Variants in ZDHHC21 observed in about 807,000 individuals in gnomAD.
The protein encoded by ZDHHC21 is palmitoyltransferase ZDHHC21.
In ZDHHC21, 15 loss-of-function variants were observed where a neutral mutation model predicts 34.6. The ratio of observed to expected loss-of-function variants is 0.43; its 90% confidence interval spans 0.29 to 0.67. ZDHHC21 has a LOEUF of 0.67. Ranked by LOEUF, ZDHHC21 falls within the 30% of genes least tolerant of loss-of-function variation. The probability of loss-of-function intolerance (pLI) is 0.14; values close to 1 mark genes in which losing one functional copy is unlikely to be tolerated. For synonymous variants in ZDHHC21, 142 were observed against 101.8 expected, an observed-to-expected ratio of 1.40 and a Z score of -2.38; for missense variants, 344 against 327.7, an observed-to-expected ratio of 1.05 and a Z score of -0.38.
Position 14,633,005 on chromosome 9 carries a change from C to T in ZDHHC21, c.621+6891G>A, listed in dbSNP as rs981924664. Among the ~76,000 whole-genome samples, 6 of 152,136 alleles carry T rather than the reference C, an allele frequency of 3.9e-5. No individual in the cohort carries two copies. The South Asian group carries it at 8.3e-4, about 21-fold the overall frequency. ...TGCAGCAACTTTAGAAAAACAGTGGCAGTTCTTTAAAAGATAAATGTAGTT... is the reference window on the plus strand; with the variant it reads ...TGCAGCAACTTTAGAAAAACAGTGGTAGTTCTTTAAAAGATAAATGTAGTT... On this transcript the variant is annotated intron_variant, in intron 8 of 9. Transcript: ENST00000380916.
At chr9:14,680,596 TA>T (rs1272453103) in intron 2 of ZDHHC21, among the ~76,000 whole-genome samples, 1 of 138,902 alleles carries the variant, frequency 7.2e-6, no homozygotes, top group African/African-American at 2.6e-5. Context: ...ATGAAGCCAT[TA>T]AGAGAGTCAA....
At chr9:14,627,164 T>G (rs1303097352) in intron 8 of ZDHHC21, among the ~76,000 whole-genome samples, 1 of 152,172 alleles carries the variant, frequency 6.6e-6, no homozygotes, top group Non-Finnish European at 1.5e-5. Flanking sequence ...ACTACACTTC[T>G]GTGTATAGAT....
At chr9:14,610,989 G>T (rs567326564), downstream of ZDHHC21, 1 of 151,920 alleles carries the variant, frequency 6.6e-6, no homozygotes, top group Non-Finnish European at 1.5e-5. Flanking sequence ...TTTTAAAAGT[G>T]ACCTATTACA....
intron 8 of ZDHHC21, among the ~76,000 whole-genome samples, chr9:14,631,586 G>C (rs915968461): frequency 1.3e-5 from 2 of 152,150 alleles, no homozygotes; most frequent in African/African-American, 4.8e-5. Flanking sequence ...TTTTCGGCCT[G>C]TCTCAGCTTT....
intron 6 of ZDHHC21, among the ~76,000 whole-genome samples, chr9:14,660,483 G>A (rs1384706896): frequency 6.6e-6 from 1 of 151,590 alleles, no homozygotes; most frequent in Non-Finnish European, 1.5e-5. Context: ...GTTAAGTAGT[G>A]CAATTTCTGA....
rs78396091 is a variant in ZDHHC21, at chr9:14,622,722, C to T, written c.622-3040G>A. ...AATCGCACATAAAGGAATAAACAATCTGTTATATGACTATCTCTTTTGAGT... is the reference window on the plus strand; with the variant it reads ...AATCGCACATAAAGGAATAAACAATTTGTTATATGACTATCTCTTTTGAGT... On this transcript the variant is annotated intron_variant, in intron 8 of 9. Coordinates refer to ENST00000380916, the MANE Select transcript of ZDHHC21 (RefSeq NM_178566.6). 9 of 985,102 alleles carry T rather than the reference C, an allele frequency of 9.1e-6. No individual in the cohort carries two copies. The East Asian group carries it at 1.0e-3, about 112-fold the overall frequency. 61.0% of individuals were successfully genotyped at this position (985,102 alleles called of 1,614,324 possible).
the ZDHHC21 span, among the ~76,000 whole-genome samples, chr9:14,590,429 T>C: frequency 6.6e-6 from 1 of 151,938 alleles, no homozygotes; most frequent in East Asian, 1.9e-4. Context: ...AAGTAGATAA[T>C]CACAATGAAA....
intron 8 of ZDHHC21, among the ~76,000 whole-genome samples, chr9:14,630,993 T>C (rs10961625): frequency 0.39 from 59,498 of 152,078 alleles, 12,043 homozygotes; most frequent in Non-Finnish European, 0.45. Flanking sequence ...AAATGAGCAC[T>C]GGCTTCAACT....
chr9:14,660,372 C>CAAAAA lies in ZDHHC21; in HGVS notation c.366-1490_366-1486dup, dbSNP rs374162221. 3.9e-3 allele frequency among the ~76,000 whole-genome samples: 228 copies of CAAAAA among 58,422 alleles called. 8 individuals are homozygous for CAAAAA. Among genetic ancestry groups the CAAAAA allele is most frequent in the Middle Eastern group, 0.02 (1 of 50 alleles). 38.3% of individuals were successfully genotyped at this position (58,422 alleles called of 152,430 possible). A position where few individuals can be genotyped will look rare whatever the true frequency, so the allele number is the denominator to read the frequency against. ...TGGGCAACAGAGTAAGACTCCATCTCAAAAAAAAAAAAAAAAAAAAAAGAA... is the reference window on the plus strand; with the variant it reads ...TGGGCAACAGAGTAAGACTCCATCTCAAAAAAAAAAAAAAAAAAAAAAAAAAAGAA... On this transcript the variant is annotated intron_variant, in intron 6 of 9. Coordinates refer to ENST00000380916, the MANE Select transcript of ZDHHC21 (RefSeq NM_178566.6).
chr9:14,665,506 AG>A (rs1834259176), intron 5 of ZDHHC21, among the ~76,000 whole-genome samples: 2 of 152,060 alleles, frequency 1.3e-5, no homozygotes, highest in East Asian at 3.9e-4. Flanking sequence ...AACGCCACAA[AG>A]ATACTCCCCA....
intron 2 of ZDHHC21, among the ~76,000 whole-genome samples, chr9:14,680,710 C>T (rs141414900): frequency 3.0e-4 from 46 of 152,206 alleles, no homozygotes; most frequent in Admixed American, 1.3e-3. Flanking sequence ...CAACACTTAA[C>T]TACTATACAC....
intron 7 of ZDHHC21, among the ~76,000 whole-genome samples, chr9:14,657,211 G>A (rs981397366): frequency 5.3e-5 from 8 of 151,902 alleles, no homozygotes; most frequent in African/African-American, 9.6e-5. Flanking sequence ...ACTGTAAAAC[G>A]GTCTCTAAAA....
chr9:14,598,732 T>A, the ZDHHC21 span, among the ~76,000 whole-genome samples: 1 of 152,066 alleles, frequency 6.6e-6, no homozygotes, highest in Non-Finnish European at 1.5e-5. Context: ...AAATATATTT[T>A]TTATTATTTA....
At chr9:14,641,837 G>C (rs190176015) in intron 7 of ZDHHC21, among the ~76,000 whole-genome samples, 1 of 151,772 alleles carries the variant, frequency 6.6e-6, no homozygotes, top group Non-Finnish European at 1.5e-5. Flanking sequence ...ATAAAAGAGT[G>C]CTGTTGTTTT....
chr9:14,631,736 A>G (rs1827382062), intron 8 of ZDHHC21, among the ~76,000 whole-genome samples: 2 of 152,174 alleles, frequency 1.3e-5, no homozygotes, highest in Admixed American at 1.3e-4. Flanking sequence ...ATTGTATCTT[A>G]GGGAATAGCA....
downstream of ZDHHC21, among the ~76,000 whole-genome samples, chr9:14,610,440 A>G (rs913485060): frequency 1.3e-5 from 2 of 152,038 alleles, no homozygotes; most frequent in African/African-American, 4.8e-5. Flanking sequence ...TTATTTGCAA[A>G]TCTATCAAAT....
rs77758119 is a variant in ZDHHC21, at chr9:14,687,177, G to A, written c.-176+3160C>T. ...CAAAATAGTAGTTTCTGTCAGTAAC[G>A]TTAGTAGGTTATAGCACAGGCCAAT... is the stretch of plus-strand genomic sequence containing the variant. On this transcript the variant is annotated intron_variant, in intron 2 of 9. Transcript: ENST00000380916. Among the ~76,000 whole-genome samples the A allele has an allele frequency of 2.0e-3, 309 of 150,780 alleles. 8 individuals are homozygous for A. In the East Asian group the frequency reaches 0.048, roughly 24 times the overall value.
At chr9:14,595,492 G>A in the ZDHHC21 span, among the ~76,000 whole-genome samples, 1 of 152,174 alleles carries the variant, frequency 6.6e-6, no homozygotes, top group East Asian at 1.9e-4. Context: ...GGTTGCCAGA[G>A]TCCAAGGGGT....
the ZDHHC21 span, chr9:14,593,929 G>A: frequency 6.6e-6 from 1 of 152,416 alleles, no homozygotes; most frequent in East Asian, 1.9e-4. Flanking sequence ...GAGCAGGAGG[G>A]GATGTACCCT....
Sources: gnomAD v4.1 joint callset for allele counts (sites outside exome capture counted in the v4.1 genomes callset) on GRCh38, gnomAD v4.1.1 for gene constraint, MANE v1.5 for transcripts, NCBI Gene and HGNC (gene_info 2026-07-23, HGNC 2026-07-21) for gene names.